The following PHF24 variants were observed in gnomAD, a reference collection of about 807,000 sequenced individuals.
PHF24 encodes the protein Galpha inhibitory interacting protein.
PHF24 carries 25 observed loss-of-function variants against 42.6 expected under a neutral mutation model. The ratio of observed to expected loss-of-function variants is 0.59; its 90% CI spans 0.43 to 0.82. The LOEUF is 0.82. Ranked by LOEUF, PHF24 falls within the 40% of genes least tolerant of loss-of-function variation. The pLI, the probability that PHF24 is intolerant of heterozygous loss-of-function variation, is 0.00. For synonymous variants in PHF24, 185 were observed against 204.8 expected (o/e 0.90, Z 0.83); for missense variants, 470 against 538.1 (o/e 0.87, Z 1.25).
At chr9:34,957,834 C>G (rs936209942), upstream of PHF24, 1 of 152,262 alleles carries the variant, frequency 6.6e-6, no homozygotes, top group East Asian at 1.9e-4. Context: ...CTTCCCCCCA[C>G]CCAACCCCCG....
chr9:34,777,095 A>G, the PHF24 span, among the ~76,000 whole-genome samples: 2 of 152,134 alleles, frequency 1.3e-5, no homozygotes, highest in African/African-American at 2.4e-5. Context: ...TTTGGGCCCC[A>G]TTGGTGGCAG....
the PHF24 span, among the ~76,000 whole-genome samples, chr9:34,811,688 T>G: frequency 6.6e-6 from 1 of 152,206 alleles, no homozygotes; most frequent in Non-Finnish European, 1.5e-5. Context: ...AAGACAAGGC[T>G]AAAATCTCTT....
the PHF24 span, among the ~76,000 whole-genome samples, chr9:34,693,844 G>A: frequency 6.6e-6 from 1 of 152,042 alleles, no homozygotes; most frequent in Admixed American, 6.5e-5. Flanking sequence ...TTGTCCTTTT[G>A]TTTCATTCTG....
chr9:34,950,920 C>A, the PHF24 span, among the ~76,000 whole-genome samples: 2 of 152,000 alleles, frequency 1.3e-5, no homozygotes, highest in African/African-American at 4.8e-5. Flanking sequence ...AATTGACAAA[C>A]TTCTAGCCAG....
chr9:34,834,119 C>G, the PHF24 span: 14 of 1,425,920 alleles, frequency 9.8e-6, no homozygotes, highest in Non-Finnish European at 1.2e-5. Flanking sequence ...GTCTGGGTCA[C>G]TTGCTGTCTG....
exon 8 of PHF24, chr9:34,981,751 T>C (rs1230914051): frequency 1.3e-5 from 2 of 151,788 alleles, no homozygotes; most frequent in Non-Finnish European, 2.9e-5. Flanking sequence ...TTTTTTTTTT[T>C]TAATTTTCCT....
the PHF24 span, among the ~76,000 whole-genome samples, chr9:34,792,648 T>C: frequency 1.3e-5 from 2 of 150,314 alleles, no homozygotes; most frequent in Admixed American, 6.7e-5. Context: ...CACTCCAGCC[T>C]GGGCAACAAA....
chr9:34,715,290 G>C, the PHF24 span, among the ~76,000 whole-genome samples: 1 of 152,124 alleles, frequency 6.6e-6, no homozygotes, highest in Admixed American at 6.5e-5. Flanking sequence ...CAGGGTAGAA[G>C]AGAGTGAGGA....
the PHF24 span, among the ~76,000 whole-genome samples, chr9:34,801,543 T>A: frequency 6.6e-6 from 1 of 152,006 alleles, no homozygotes; most frequent in Non-Finnish European, 1.5e-5. Context: ...CTGGCTAACA[T>A]GGTGAAACCC....
chr9:34,773,706 A>G, the PHF24 span, among the ~76,000 whole-genome samples: 18 of 152,194 alleles, frequency 1.2e-4, no homozygotes, highest in African/African-American at 3.9e-4. Context: ...CTTTCTCCCC[A>G]GAACCCATAA....
At chr9:34,685,138 C>A in the PHF24 span, among the ~76,000 whole-genome samples, 3 of 152,246 alleles carry the variant, frequency 2.0e-5, no homozygotes, top group African/African-American at 7.2e-5. Context: ...GCCGATCAGA[C>A]GCCTGGCCCC....
intron 1 of PHF24, among the ~76,000 whole-genome samples, chr9:34,964,862 G>GT (rs1177331627): frequency 3.9e-5 from 6 of 152,046 alleles, no homozygotes; most frequent in African/African-American, 9.7e-5. Context: ...TCTCCCCTGA[G>GT]TTTTTTTCCA....
chr9:34,981,842 C>T (rs1827403067), exon 8 of PHF24: 1 of 151,710 alleles, frequency 6.6e-6, no homozygotes. Flanking sequence ...GTCTGGGCCC[C>T]TGGCTGCAAC....
the PHF24 span, among the ~76,000 whole-genome samples, chr9:34,733,588 T>C: frequency 6.6e-6 from 1 of 151,790 alleles, no homozygotes; most frequent in South Asian, 2.1e-4. Flanking sequence ...GCAACCTTGA[T>C]CTCTTGGGCT....
the PHF24 span, among the ~76,000 whole-genome samples, chr9:34,697,100 C>T: frequency 5.3e-5 from 8 of 152,294 alleles, no homozygotes; most frequent in South Asian, 6.2e-4. Context: ...ATTAGCTGAG[C>T]ACCTGGGAGT....
chr9:34,736,383 T>G, the PHF24 span, among the ~76,000 whole-genome samples: 1 of 152,200 alleles, frequency 6.6e-6, no homozygotes, highest in Non-Finnish European at 1.5e-5. Flanking sequence ...GATGGCTCAC[T>G]GTAGCCTCGA....
the PHF24 span, among the ~76,000 whole-genome samples, chr9:34,740,488 C>T: frequency 1.3e-5 from 2 of 152,238 alleles, no homozygotes; most frequent in Non-Finnish European, 2.9e-5. Context: ...GGTGCTAAGC[C>T]CCTCATTGCC....
the PHF24 span, among the ~76,000 whole-genome samples, chr9:34,804,946 A>G: frequency 1.3e-5 from 2 of 152,192 alleles, no homozygotes; most frequent in African/African-American, 4.8e-5. Context: ...GGACTTTCAT[A>G]TTAATGGAAT....
chr9:34,766,004 T>C, the PHF24 span, among the ~76,000 whole-genome samples: 1 of 152,090 alleles, frequency 6.6e-6, no homozygotes, highest in African/African-American at 2.4e-5. Context: ...AAAATTCTTT[T>C]CTTTAAGAAT....
Sources: gnomAD v4.1 joint callset for allele counts (sites outside exome capture counted in the v4.1 genomes callset) on GRCh38, gnomAD v4.1.1 for gene constraint, MANE v1.5 for transcripts, NCBI Gene and HGNC (gene_info 2026-07-23, HGNC 2026-07-21) for gene names.